BNC2: variants seen among roughly 807,000 people sequenced by gnomAD.
BNC2 encodes zinc finger protein basonuclin-2.
Under a neutral mutation model 76.3 loss-of-function variants are expected in BNC2, and 20 were observed. The ratio of observed to expected loss-of-function variants is 0.26; its 90% CI spans 0.18 to 0.38. The LOEUF (loss-of-function observed/expected upper bound fraction) is 0.38. Ranked by LOEUF, BNC2 falls within the 10% of genes least tolerant of loss-of-function variation. BNC2 has a pLI of 1.00. For synonymous variants in BNC2, 582 were observed against 514.8 expected (o/e 1.13, Z -1.77); for missense variants, 1,382 against 1,399.8 (o/e 0.99, Z 0.20).
chr9:16,819,272 C>G (rs1157771032), intron 1 of BNC2, among the ~76,000 whole-genome samples: 1 of 152,110 alleles, frequency 6.6e-6, no homozygotes, highest in Non-Finnish European at 1.5e-5. Flanking sequence ...TTAAAAAATA[C>G]TAGTTGGAAA....
chr9:16,672,313 C>T (rs191599096), intron 3 of BNC2, among the ~76,000 whole-genome samples: 112 of 152,184 alleles, frequency 7.4e-4, no homozygotes, highest in African/African-American at 2.4e-3. Flanking sequence ...CTGGCTAACA[C>T]GGTGAAACCC....
chr9:16,680,381 A>G (rs1465643593), intron 3 of BNC2, among the ~76,000 whole-genome samples: 1 of 152,142 alleles, frequency 6.6e-6, no homozygotes, highest in Non-Finnish European at 1.5e-5. Flanking sequence ...AGAAATAATA[A>G]TTATACTCCT....
chr9:16,718,234 C>A (rs1824047422), intron 3 of BNC2, among the ~76,000 whole-genome samples: 1 of 152,224 alleles, frequency 6.6e-6, no homozygotes, highest in South Asian at 2.1e-4. Flanking sequence ...ATTCCCATAA[C>A]ACATCTCACC....
At chr9:16,547,031 C>A (rs965163109) in intron 5 of BNC2, among the ~76,000 whole-genome samples, 1 of 152,218 alleles carries the variant, frequency 6.6e-6, no homozygotes, top group Non-Finnish European at 1.5e-5. Context: ...AGTGTATCAA[C>A]TGTGCCAATT....
chr9:16,457,216 CA>C lies in BNC2; in HGVS notation c.670-19693del, dbSNP rs200677016. Among the ~76,000 whole-genome samples the C allele has an allele frequency of 1.9e-4, 29 of 152,242 alleles. No homozygotes were observed. In the East Asian group the frequency reaches 4.6e-3, roughly 24 times the overall value. ...TCCTTAGGAAGAAGATCATATGGAA[CA>C]AGGGGTGTCAATAGAAAAAATTTTC... On this transcript the variant is annotated intron_variant, in intron 5 of 6. Coordinates refer to ENST00000380672, the MANE Select transcript of BNC2 (RefSeq NM_017637.6).
intron 3 of BNC2, among the ~76,000 whole-genome samples, chr9:16,693,442 G>A (rs377556266): frequency 2.0e-5 from 3 of 152,248 alleles, no homozygotes; most frequent in East Asian, 3.9e-4. Flanking sequence ...TCACCTGAGA[G>A]CATGTCTGAA....
rs1454355313 is a variant in BNC2, at chr9:16,419,290, C to G, written c.2999G>C (p.Gly1000Ala). The G allele has an allele frequency of 3.7e-6, 6 of 1,614,116 alleles. No homozygotes were observed. The highest frequency in any genetic ancestry group is 4.2e-6 in the Non-Finnish European group (5 of 1,179,974). The change falls in exon 7 of 7, where the codon GGG (glycine) becomes GCG (alanine). Residue 1000 changes from glycine (G) to alanine (A), a missense_variant. By Grantham distance (60) the Gly-to-Ala change is moderately conservative. Transcript: ENST00000380672. ...LDDIDGASDS[G>A]ESAHKAEAPA... ...GGCCTCGGCCTTGTGTGCCGACTCCCCACTGTCACTCGCCCCGTCAATGTC... is the reference window on the plus strand; with the variant it reads ...GGCCTCGGCCTTGTGTGCCGACTCCGCACTGTCACTCGCCCCGTCAATGTC...
chr9:16,566,864 C>A (rs1278836552), intron 4 of BNC2, among the ~76,000 whole-genome samples: 1 of 152,148 alleles, frequency 6.6e-6, no homozygotes, highest in East Asian at 1.9e-4. Flanking sequence ...AACAAAGGGT[C>A]AATTAATCTC....
chr9:16,660,827 T>G (rs1033294383), intron 3 of BNC2, among the ~76,000 whole-genome samples: 2 of 151,498 alleles, frequency 1.3e-5, no homozygotes, highest in African/African-American at 4.8e-5. Context: ...TACATAGTAT[T>G]TACATTTTAT....
intron 3 of BNC2, among the ~76,000 whole-genome samples, chr9:16,629,886 G>T (rs77509715): frequency 6.6e-6 from 1 of 152,172 alleles, no homozygotes; most frequent in Non-Finnish European, 1.5e-5. Context: ...CAGGGTGGTG[G>T]TTGATGAAGA....
chr9:16,480,738 C>T (rs1332985603), intron 5 of BNC2, among the ~76,000 whole-genome samples: 1 of 152,232 alleles, frequency 6.6e-6, no homozygotes, highest in African/African-American at 2.4e-5. Context: ...CCCTAGCTGC[C>T]TTCCGGCGGG....
intron 5 of BNC2, among the ~76,000 whole-genome samples, chr9:16,478,857 C>T (rs1000344307): frequency 3.9e-5 from 6 of 152,162 alleles, no homozygotes; most frequent in African/African-American, 9.6e-5. Context: ...TCTTCCCGCT[C>T]GGACTAAAGA....
chr9:16,713,311 T>C (rs1468928599), intron 3 of BNC2, among the ~76,000 whole-genome samples: 1 of 152,058 alleles, frequency 6.6e-6, no homozygotes, highest in Admixed American at 6.5e-5. Context: ...TATTTGGAGG[T>C]AGTTTCCAAC....
At chr9:16,595,804 T>C (rs1042376092) in intron 3 of BNC2, among the ~76,000 whole-genome samples, 3 of 152,004 alleles carry the variant, frequency 2.0e-5, no homozygotes, top group Admixed American at 6.6e-5. Flanking sequence ...TGCTTCAACA[T>C]CACTGAGCAA....
intron 1 of BNC2, among the ~76,000 whole-genome samples, chr9:16,770,872 CAAAAA>C (rs1825815313): frequency 1.3e-5 from 2 of 151,640 alleles, no homozygotes; most frequent in Non-Finnish European, 2.9e-5. Flanking sequence ...GACCCTGTCA[CAAAAA>C]GAAAAGAAAA....
intron 3 of BNC2, among the ~76,000 whole-genome samples, chr9:16,631,692 T>C (rs1385039124): frequency 6.6e-6 from 1 of 152,130 alleles, no homozygotes; most frequent in African/African-American, 2.4e-5. Flanking sequence ...TTTGAACAAA[T>C]ATAAGGAAAA....
intron 1 of BNC2, among the ~76,000 whole-genome samples, chr9:16,860,697 A>T (rs1016402164): frequency 2.6e-5 from 4 of 152,218 alleles, no homozygotes; most frequent in African/African-American, 9.6e-5. Context: ...AAATTGATAA[A>T]TTAGACTTCA....
At chr9:16,600,921 T>C (rs987252250) in intron 3 of BNC2, among the ~76,000 whole-genome samples, 13 of 152,186 alleles carry the variant, frequency 8.5e-5, no homozygotes, top group African/African-American at 2.7e-4. Context: ...ATGTAAAATA[T>C]GTGCTAATAA....
In BNC2 at chr9:16,646,617, G is replaced by A. The variant is rs117065578; in HGVS notation, c.331-63532C>T. Among the ~76,000 whole-genome samples the A allele has an allele frequency of 8.1e-3, 1,235 of 152,226 alleles. 7 individuals carry two copies. Among genetic ancestry groups the A allele is most frequent in the Middle Eastern group, 0.02 (6 of 294 alleles). ...GAGATTAACTGGAAAAGGCATAAGG[G>A]AACATTATGGGGTAAAGAAAATGAT... On this transcript the variant is annotated intron_variant, in intron 3 of 6. Coordinates refer to ENST00000380672, the MANE Select transcript of BNC2 (RefSeq NM_017637.6).
Sources: gnomAD v4.1 joint callset for allele counts (sites outside exome capture counted in the v4.1 genomes callset) on GRCh38, gnomAD v4.1.1 for gene constraint, MANE v1.5 for transcripts, NCBI Gene and HGNC (gene_info 2026-07-23, HGNC 2026-07-21) for gene names.